The following SEM1 variants were observed in gnomAD, a reference collection of about 807,000 sequenced individuals.
The protein encoded by SEM1 is SEM1 26S proteasome subunit.
In SEM1, 3 loss-of-function variants were observed where a neutral mutation model predicts 12.7. The ratio of observed to expected loss-of-function variants is 0.24; its 90% CI spans 0.11 to 0.61. The LOEUF is 0.61. SEM1 is among the 20% of genes least tolerant of loss of function. The probability of loss-of-function intolerance (pLI) is 0.88; values close to 1 mark genes in which losing one functional copy is unlikely to be tolerated. For missense variants in SEM1, 59 were observed against 81.3 expected (o/e 0.73, Z 1.06); for synonymous variants, 30 against 27.8 (o/e 1.08, Z -0.25).
chr7:96,528,496 C>T (rs1476370936), intron 2 of SEM1, among the ~76,000 whole-genome samples: 1 of 151,942 alleles, frequency 6.6e-6, no homozygotes, highest in Non-Finnish European at 1.5e-5. Flanking sequence ...CCAACCCTGC[C>T]CAATAATTCT....
intron 2 of SEM1, among the ~76,000 whole-genome samples, chr7:96,541,913 G>T (rs1263562016): frequency 7.3e-6 from 1 of 137,100 alleles, no homozygotes. Context: ...TTATTTCCGG[G>T]TTCTGTATTC....
intron 2 of SEM1, among the ~76,000 whole-genome samples, chr7:96,616,910 T>C (rs1807739550): frequency 1.3e-5 from 2 of 152,200 alleles, no homozygotes; most frequent in South Asian, 4.1e-4. Flanking sequence ...TCTATATGTC[T>C]ATTTTTACAC....
intron 2 of SEM1, among the ~76,000 whole-genome samples, chr7:96,608,300 T>C (rs1208248839): frequency 6.6e-6 from 1 of 152,168 alleles, no homozygotes; most frequent in East Asian, 1.9e-4. Context: ...AACTCTGAAT[T>C]TGAGTGTGTT....
At chr7:96,686,176 A>G (rs554763587), downstream of SEM1, among the ~76,000 whole-genome samples, 13 of 152,282 alleles carry the variant, frequency 8.5e-5, no homozygotes, top group Admixed American at 7.9e-4. Context: ...TGAAGGTCAA[A>G]TGAGAGAAAT....
chr7:96,669,770 T>C (rs573396273), downstream of SEM1, among the ~76,000 whole-genome samples: 14 of 152,358 alleles, frequency 9.2e-5, no homozygotes, highest in African/African-American at 3.1e-4. Context: ...AAATGCATGA[T>C]AGTGTAGTGG....
chr7:96,648,178 G>T (rs1423576278), intron 2 of SEM1, among the ~76,000 whole-genome samples: 1 of 152,216 alleles, frequency 6.6e-6, no homozygotes, highest in Non-Finnish European at 1.5e-5. Context: ...GAATACATTA[G>T]TCAAGAAGGT....
intron 2 of SEM1, among the ~76,000 whole-genome samples, chr7:96,545,680 C>T (rs1805083829): frequency 6.6e-6 from 1 of 151,976 alleles, no homozygotes; most frequent in African/African-American, 2.4e-5. Context: ...GTTATTTTAG[C>T]GTTATGCATA....
At chr7:96,677,127 G>T (rs1437246075) in intron 2 of SEM1, among the ~76,000 whole-genome samples, 1 of 152,196 alleles carries the variant, frequency 6.6e-6, no homozygotes, top group Non-Finnish European at 1.5e-5. Flanking sequence ...CAGAGGGCCA[G>T]CACAATGGTA....
intron 1 of SEM1, among the ~76,000 whole-genome samples, chr7:96,486,761 G>T (rs563728466): frequency 1.3e-5 from 2 of 152,284 alleles, no homozygotes; most frequent in Admixed American, 1.3e-4. Context: ...GAGGCAACTT[G>T]CAAATCCAAA....
At chr7:96,591,778 C>T (rs1441729179) in intron 2 of SEM1, among the ~76,000 whole-genome samples, 3 of 150,300 alleles carry the variant, frequency 2.0e-5, no homozygotes, top group Admixed American at 6.6e-5. Context: ...CCCTTCTTCA[C>T]TGAAATGGCA....
At chr7:96,502,036 T>C (rs1803577206) in intron 3 of SEM1, among the ~76,000 whole-genome samples, 1 of 152,168 alleles carries the variant, frequency 6.6e-6, no homozygotes, top group Non-Finnish European at 1.5e-5. Flanking sequence ...ACTGCATTCA[T>C]GTTGCTGCAA....
chr7:96,580,372 T>C (rs1275578594), intron 2 of SEM1, among the ~76,000 whole-genome samples: 1 of 150,470 alleles, frequency 6.6e-6, no homozygotes, highest in Non-Finnish European at 1.5e-5. Flanking sequence ...TCTATCATTG[T>C]TGGACATTTG....
intron 2 of SEM1, among the ~76,000 whole-genome samples, chr7:96,616,284 TTGA>T (rs1447740669): frequency 2.6e-5 from 4 of 152,164 alleles, no homozygotes; most frequent in Admixed American, 2.6e-4. Flanking sequence ...TTGCATCTCT[TTGA>T]TGATTAGTGA....
At chr7:96,705,578 A>T (rs1367543332) in intron 1 of SEM1, among the ~76,000 whole-genome samples, 1 of 152,174 alleles carries the variant, frequency 6.6e-6, no homozygotes, top group East Asian at 1.9e-4. Context: ...CTGTAATCCC[A>T]GCACTTTGGG....
intron 1 of SEM1, among the ~76,000 whole-genome samples, chr7:96,701,210 T>C (rs1203108121): frequency 6.6e-6 from 1 of 152,138 alleles, no homozygotes; most frequent in Non-Finnish European, 1.5e-5. Flanking sequence ...ATATGTATCA[T>C]TGTTCTGGAC....
intron 2 of SEM1, among the ~76,000 whole-genome samples, chr7:96,562,498 T>G (rs1278278361): frequency 6.6e-6 from 1 of 152,172 alleles, no homozygotes; most frequent in Non-Finnish European, 1.5e-5. Flanking sequence ...ACCCACTGTA[T>G]GATAAGCGCT....
intron 2 of SEM1, among the ~76,000 whole-genome samples, chr7:96,575,479 G>A (rs932685697): frequency 2.6e-5 from 4 of 152,206 alleles, no homozygotes; most frequent in Non-Finnish European, 4.4e-5. Flanking sequence ...CTGTCCCTTA[G>A]CAGAGCTCAG....
chr7:96,660,277 T>C (rs1476198458), intron 2 of SEM1, among the ~76,000 whole-genome samples: 1 of 152,048 alleles, frequency 6.6e-6, no homozygotes, highest in African/African-American at 2.4e-5. Flanking sequence ...AGATAACTAA[T>C]AAAATAGCTT....
intron 2 of SEM1, among the ~76,000 whole-genome samples, chr7:96,510,291 G>A (rs565910907): frequency 1.7e-4 from 26 of 152,158 alleles, no homozygotes; most frequent in Admixed American, 1.3e-3. Context: ...TGATTTTGTC[G>A]TTGTGCAAAC....
Sources: gnomAD v4.1 joint callset for allele counts (sites outside exome capture counted in the v4.1 genomes callset) on GRCh38, gnomAD v4.1.1 for gene constraint, MANE v1.5 for transcripts, NCBI Gene and HGNC (gene_info 2026-07-23, HGNC 2026-07-21) for gene names.